The following GRID2 variants were observed in gnomAD, a reference collection of about 807,000 sequenced individuals.
The protein encoded by GRID2 is glutamate ionotropic receptor delta type subunit 2, also known as glutamate receptor ionotropic, delta-2.
GRID2 carries 33 observed loss-of-function variants against 114.8 expected under a neutral mutation model. That is an observed-to-expected ratio of 0.29 (90% confidence interval 0.22 to 0.38). The LOEUF is 0.38. Ranked by LOEUF, GRID2 falls within the 10% of genes least tolerant of loss-of-function variation. The pLI, the probability that GRID2 is intolerant of heterozygous loss-of-function variation, is 1.00. For synonymous variants in GRID2, 505 were observed against 449.9 expected, an observed-to-expected ratio of 1.12 and a Z score of -1.55; for missense variants, 1,184 against 1,257.7, an observed-to-expected ratio of 0.94 and a Z score of 0.89.
At chr4:93,181,100 A>G (rs1739853025) in intron 4 of GRID2, among the ~76,000 whole-genome samples, 1 of 152,146 alleles carries the variant, frequency 6.6e-6, no homozygotes, top group East Asian at 1.9e-4. Context: ...GTATTTCTTA[A>G]GGGTGATAAG....
At chr4:93,787,295 T>A (rs964079252) in intron 1 of GRID2, among the ~76,000 whole-genome samples, 3 of 152,104 alleles carry the variant, frequency 2.0e-5, no homozygotes, top group African/African-American at 4.8e-5. Flanking sequence ...AGAGTCAAGT[T>A]AGCAGGCTTT....
chr4:93,129,450 G>A (rs550754429), intron 4 of GRID2, among the ~76,000 whole-genome samples: 47 of 151,820 alleles, frequency 3.1e-4, no homozygotes, highest in African/African-American at 1.1e-3. Flanking sequence ...TCCCCTTTCC[G>A]CAAGGATTCT....
At chr4:92,483,926 A>G (rs905112489) in intron 1 of GRID2, among the ~76,000 whole-genome samples, 3 of 152,204 alleles carry the variant, frequency 2.0e-5, no homozygotes, top group Non-Finnish European at 4.4e-5. Flanking sequence ...GAAATATTGC[A>G]TATGAGAACG....
chr4:93,002,356 C>G (rs1179085946), intron 2 of GRID2, among the ~76,000 whole-genome samples: 1 of 151,640 alleles, frequency 6.6e-6, no homozygotes, highest in Non-Finnish European at 1.5e-5. Context: ...ACAAAATATA[C>G]TTGCTAGGCC....
rs1747645371 is a variant in GRID2 at position 92,902,416 on chromosome 4, A to AT, written c.245-182572dup. ...TTTCTTGTGTTGTTGATTCTTTGTA[A>AT]TTTTTTTGGTTTCTTTTTCATTTAG... On this transcript the variant is annotated intron_variant, in intron 2 of 15. Coordinates refer to ENST00000282020, the MANE Select transcript of GRID2 (RefSeq NM_001510.4). 2.6e-5 allele frequency among the ~76,000 whole-genome samples: 4 copies of AT among 151,420 alleles called. No individual in the cohort carries two copies. The South Asian group carries it at 8.3e-4, about 32-fold the overall frequency.
intron 2 of GRID2, among the ~76,000 whole-genome samples, chr4:93,078,138 A>G (rs907679739): frequency 4.6e-5 from 7 of 151,970 alleles, no homozygotes; most frequent in African/African-American, 1.7e-4. Context: ...CTGGTATTTC[A>G]TTGTCTCTGT....
intron 1 of GRID2, among the ~76,000 whole-genome samples, chr4:92,581,230 T>C (rs1473751018): frequency 6.6e-6 from 1 of 151,214 alleles, no homozygotes; most frequent in African/African-American, 2.4e-5. Flanking sequence ...TAGTCACAAG[T>C]ACTCTTTAAA....
chr4:92,876,385 G>A (rs1159845031), intron 2 of GRID2, among the ~76,000 whole-genome samples: 1 of 151,552 alleles, frequency 6.6e-6, no homozygotes, highest in Admixed American at 6.6e-5. Flanking sequence ...TGCAAGCTCC[G>A]CCCCAGCCTC....
At chr4:92,848,191 TCAA>T (rs1450139672) in intron 2 of GRID2, among the ~76,000 whole-genome samples, 2 of 150,880 alleles carry the variant, frequency 1.3e-5, no homozygotes, top group Non-Finnish European at 3.0e-5. Flanking sequence ...ACCACAGAAA[TCAA>T]CAAACACAAT....
chr4:92,766,027 TTC>T (rs10557746), intron 2 of GRID2, among the ~76,000 whole-genome samples: 22,398 of 152,136 alleles, frequency 0.15, 2,046 homozygotes, highest in African/African-American at 0.26. Context: ...TGCATACTGA[TTC>T]TCTCTCACTG....
rs560310422 is a variant in GRID2 at position 93,558,323 on chromosome 4, AATAG to A, written c.2193+42918_2193+42921del. 5.3e-4 allele frequency among the ~76,000 whole-genome samples: 80 copies of A among 152,288 alleles called. No homozygotes were observed. The East Asian group carries it at 0.015, about 29-fold the overall frequency. On this transcript the variant is annotated intron_variant, in intron 13 of 15. Transcript: ENST00000282020. ...GATGGTTTTTTGAAAAGATGAACAA[AATAG>A]ATAGACTACTAGCCAGACTAATAAA...
chr4:93,786,134 A>G (rs1437680699), intron 1 of GRID2, among the ~76,000 whole-genome samples: 1 of 152,224 alleles, frequency 6.6e-6, no homozygotes, highest in East Asian at 1.9e-4. Flanking sequence ...GGAGTGGTCA[A>G]TATTGTCAAG....
rs573601577 is a variant in GRID2, at chr4:93,082,383, A to G, written c.245-2612A>G. On this transcript the variant is annotated intron_variant, in intron 2 of 15. Transcript: ENST00000282020. ...GGATGATTGGTTAGAGAGCTGGGTC[A>G]TCTATTTTGTTTTTTAAGTGGGTGC... Among the ~76,000 whole-genome samples the G allele has an allele frequency of 3.8e-4, 58 of 152,302 alleles. 1 individual carries two copies. The highest frequency in any genetic ancestry group is 1.3e-3 in the African/African-American group (56 of 41,588).
chr4:93,344,984 AGTGTGTGTGTGTGTGTGTGTGTGT>A (rs35018148), intron 8 of GRID2, among the ~76,000 whole-genome samples: 1 of 142,406 alleles, frequency 7.0e-6, no homozygotes, highest in Non-Finnish European at 1.5e-5. Flanking sequence ...GTTGTATTCT[AGTGTGTGTGTGTGTGTGTGTGTGT>A]GTGTGTGTGT....
chr4:93,339,529 C>T (rs1231025351), intron 8 of GRID2, among the ~76,000 whole-genome samples: 1 of 152,078 alleles, frequency 6.6e-6, no homozygotes, highest in Non-Finnish European at 1.5e-5. Flanking sequence ...GGGAATATGG[C>T]CCTGACCATA....
At chr4:93,768,076 T>C (rs1053137389) in intron 14 of GRID2, among the ~76,000 whole-genome samples, 1 of 152,138 alleles carries the variant, frequency 6.6e-6, no homozygotes, top group Non-Finnish European at 1.5e-5. Context: ...CTGAAGTGTC[T>C]CCTACGCAAG....
At chr4:92,998,714 A>C (rs1481257922) in intron 2 of GRID2, among the ~76,000 whole-genome samples, 5 of 151,756 alleles carry the variant, frequency 3.3e-5, no homozygotes, top group Non-Finnish European at 7.4e-5. Flanking sequence ...GTCCATGACT[A>C]TAGAATCATT....
chr4:92,720,298 C>T (rs1364497891), intron 2 of GRID2, among the ~76,000 whole-genome samples: 2 of 151,866 alleles, frequency 1.3e-5, no homozygotes, highest in African/African-American at 4.8e-5. Context: ...TGCAATTTAT[C>T]CTTAGTCTAA....
At chr4:93,025,399 T>C (rs1256229776) in intron 2 of GRID2, among the ~76,000 whole-genome samples, 16 of 151,750 alleles carry the variant, frequency 1.1e-4, no homozygotes, top group Admixed American at 1.1e-3. Flanking sequence ...CTTAGTAAGA[T>C]TAGCCAGTAA....
Sources: gnomAD v4.1 joint callset for allele counts (sites outside exome capture counted in the v4.1 genomes callset) on GRCh38, gnomAD v4.1.1 for gene constraint, MANE v1.5 for transcripts, NCBI Gene and HGNC (gene_info 2026-07-23, HGNC 2026-07-21) for gene names.